Variants in LGSN observed in about 807,000 individuals in gnomAD.
LGSN encodes the protein lengsin, lens protein with glutamine synthetase domain.
Under a neutral mutation model 19.5 loss-of-function variants are expected in LGSN, and 21 were observed. The observed-to-expected ratio is 1.07, with a 90% CI of 0.76 to 1.55. LGSN has a LOEUF of 1.55. LGSN is among the 40% of genes most tolerant of loss of function. The probability of loss-of-function intolerance (pLI) is 0.00; values close to 1 mark genes in which losing one functional copy is unlikely to be tolerated. For synonymous variants in LGSN, 257 were observed against 215.6 expected, an observed-to-expected ratio of 1.19 and a Z score of -1.68; for missense variants, 673 against 608.5, an observed-to-expected ratio of 1.11 and a Z score of -1.12.
chr6:63,557,248 G>A, the LGSN span, among the ~76,000 whole-genome samples: 1 of 152,144 alleles, frequency 6.6e-6, no homozygotes, highest in African/African-American at 2.4e-5. Context: ...TGTTGATGAG[G>A]AAGTCAGGAA....
the LGSN span, among the ~76,000 whole-genome samples, chr6:63,473,912 A>G: frequency 1.3e-5 from 2 of 149,060 alleles, no homozygotes; most frequent in Admixed American, 1.4e-4. Context: ...GCCCAAAACT[A>G]TAACAACCCT....
At chr6:63,355,188 A>G in the LGSN span, among the ~76,000 whole-genome samples, 1 of 152,212 alleles carries the variant, frequency 6.6e-6, no homozygotes, top group Non-Finnish European at 1.5e-5. Context: ...TGATGGTTAC[A>G]CATTCTATGC....
At chr6:63,397,998 A>G in the LGSN span, among the ~76,000 whole-genome samples, 1 of 152,070 alleles carries the variant, frequency 6.6e-6, no homozygotes, top group African/African-American at 2.4e-5. Context: ...GCCTAGTGAT[A>G]TCATAGCTGT....
At chr6:63,466,451 G>A in the LGSN span, among the ~76,000 whole-genome samples, 1 of 152,142 alleles carries the variant, frequency 6.6e-6, no homozygotes, top group Non-Finnish European at 1.5e-5. Flanking sequence ...TGATCTGAAT[G>A]ACTTACATTT....
chr6:63,382,073 A>T, the LGSN span, among the ~76,000 whole-genome samples: 2 of 152,216 alleles, frequency 1.3e-5, no homozygotes, highest in African/African-American at 4.8e-5. Flanking sequence ...TTCTTCAATC[A>T]TTAAGGCTTC....
At chr6:63,449,671 C>A in the LGSN span, among the ~76,000 whole-genome samples, 2 of 151,946 alleles carry the variant, frequency 1.3e-5, no homozygotes, top group Non-Finnish European at 2.9e-5. Context: ...GAAAGGGTAT[C>A]CCCCCAGAGA....
At chr6:63,381,348 G>C in the LGSN span, among the ~76,000 whole-genome samples, 3 of 152,354 alleles carry the variant, frequency 2.0e-5, no homozygotes, top group East Asian at 5.8e-4. Context: ...GAAGAAAGTA[G>C]TTGGTTGATG....
At chr6:63,423,797 G>A in the LGSN span, among the ~76,000 whole-genome samples, 1 of 152,104 alleles carries the variant, frequency 6.6e-6, no homozygotes, top group Non-Finnish European at 1.5e-5. Flanking sequence ...CAACACTTTG[G>A]GGGGCCGAGT....
At chr6:63,512,847 A>T in the LGSN span, among the ~76,000 whole-genome samples, 1 of 152,232 alleles carries the variant, frequency 6.6e-6, no homozygotes, top group African/African-American at 2.4e-5. Flanking sequence ...TTAGAATCTG[A>T]TCTAAAATCC....
the LGSN span, among the ~76,000 whole-genome samples, chr6:63,526,822 TA>T: frequency 3.6e-4 from 52 of 143,454 alleles, 2 homozygotes; most frequent in African/African-American, 1.4e-3. Context: ...TATATATATA[TA>T]TATATATATA....
chr6:63,308,131 A>G (rs1450913805), intron 1 of LGSN, among the ~76,000 whole-genome samples: 1 of 152,240 alleles, frequency 6.6e-6, no homozygotes, highest in East Asian at 1.9e-4. Flanking sequence ...GCATAAATAT[A>G]TACATTTAAT....
At chr6:63,339,640 G>A in the LGSN span, among the ~76,000 whole-genome samples, 1 of 152,066 alleles carries the variant, frequency 6.6e-6, no homozygotes, top group Non-Finnish European at 1.5e-5. Context: ...CAGCCAGTCT[G>A]TATCTTTTAA....
the LGSN span, chr6:63,481,715 G>A: frequency 5.5e-6 from 1 of 183,276 alleles, no homozygotes; most frequent in Non-Finnish European, 1.2e-5. Context: ...CAAGCAGTCC[G>A]CTTAGTCTGG....
chr6:63,482,359 A>G, the LGSN span, among the ~76,000 whole-genome samples: 1 of 152,224 alleles, frequency 6.6e-6, no homozygotes, highest in Non-Finnish European at 1.5e-5. Context: ...GGATCCCTTC[A>G]TTAGAGTAAA....
the LGSN span, among the ~76,000 whole-genome samples, chr6:63,426,502 GATTTATTT>G: frequency 6.6e-6 from 1 of 151,858 alleles, no homozygotes. Context: ...AAGTTATTTA[GATTTATTT>G]ATTTATTTAT....
At chr6:63,321,788 T>C (rs1177558941), upstream of LGSN, among the ~76,000 whole-genome samples, 1 of 152,210 alleles carries the variant, frequency 6.6e-6, no homozygotes, top group Admixed American at 6.5e-5. Flanking sequence ...AATAAGTCCA[T>C]ATTAAACACT....
intron 1 of LGSN, among the ~76,000 whole-genome samples, chr6:63,316,885 T>C (rs1768888730): frequency 6.6e-6 from 1 of 152,042 alleles, no homozygotes; most frequent in Non-Finnish European, 1.5e-5. Context: ...ATAAAAATAC[T>C]GCAAATATGA....
chr6:63,359,205 C>A, the LGSN span, among the ~76,000 whole-genome samples: 1 of 152,126 alleles, frequency 6.6e-6, no homozygotes, highest in East Asian at 1.9e-4. Flanking sequence ...GGTGGATAAG[C>A]TTTTTGATGT....
the LGSN span, among the ~76,000 whole-genome samples, chr6:63,529,775 A>C: frequency 6.6e-6 from 1 of 152,174 alleles, no homozygotes; most frequent in Non-Finnish European, 1.5e-5. Flanking sequence ...CGTTTTTCTG[A>C]GTAATCCCTC....
Sources: gnomAD v4.1 joint callset for allele counts (sites outside exome capture counted in the v4.1 genomes callset) on GRCh38, gnomAD v4.1.1 for gene constraint, MANE v1.5 for transcripts, NCBI Gene and HGNC (gene_info 2026-07-23, HGNC 2026-07-21) for gene names.